Variants in BICC1 observed in about 807,000 individuals in gnomAD.
The protein encoded by BICC1 is protein bicaudal C homolog 1.
BICC1 carries 43 observed loss-of-function variants against 111.0 expected under a neutral mutation model. That is an observed-to-expected ratio of 0.39 (90% CI 0.30 to 0.50). The LOEUF is 0.50. BICC1 is among the 20% of genes least tolerant of loss of function. The pLI, the probability that BICC1 is intolerant of heterozygous loss-of-function variation, is 0.88. For synonymous variants in BICC1, 467 were observed against 434.4 expected (o/e 1.07, Z -0.93); for missense variants, 1,091 against 1,203.2 (o/e 0.91, Z 1.38).
intron 1 of BICC1, among the ~76,000 whole-genome samples, chr10:58,613,106 A>G (rs569990376): frequency 2.9e-4 from 44 of 152,366 alleles, no homozygotes; most frequent in African/African-American, 1.0e-3. Context: ...ATAAAAAATG[A>G]ATCGTTCAGC....
intron 1 of BICC1, among the ~76,000 whole-genome samples, chr10:58,515,502 C>G (rs935691380): frequency 8.5e-5 from 13 of 152,136 alleles, no homozygotes; most frequent in African/African-American, 3.1e-4. Flanking sequence ...ATTTGTGTAT[C>G]TAAATATATC....
intron 2 of BICC1, among the ~76,000 whole-genome samples, chr10:58,657,639 A>G (rs1187208295): frequency 1.3e-5 from 2 of 152,194 alleles, no homozygotes; most frequent in African/African-American, 4.8e-5. Flanking sequence ...TCAGGATTCA[A>G]AATGTACAAA....
At chr10:58,615,880 G>T (rs2132121391) in intron 1 of BICC1, among the ~76,000 whole-genome samples, 1 of 152,294 alleles carries the variant, frequency 6.6e-6, no homozygotes, top group East Asian at 1.9e-4. Flanking sequence ...TGAAGCAGCT[G>T]CAAGTGCAAA....
intron 1 of BICC1, among the ~76,000 whole-genome samples, chr10:58,528,449 G>C (rs926935676): frequency 6.6e-6 from 1 of 151,870 alleles, no homozygotes. Flanking sequence ...TATAATTTCA[G>C]TTTATTTCAT....
At chr10:58,781,180 G>GT (rs1323812889) in intron 3 of BICC1, among the ~76,000 whole-genome samples, 2 of 152,116 alleles carry the variant, frequency 1.3e-5, no homozygotes, top group Non-Finnish European at 2.9e-5. Flanking sequence ...ATATCTGACA[G>GT]TTTTTTTGTA....
chr10:58,556,737 A>G (rs1285263640), intron 1 of BICC1, among the ~76,000 whole-genome samples: 2 of 152,142 alleles, frequency 1.3e-5, no homozygotes, highest in South Asian at 4.1e-4. Context: ...CTAAGTATGC[A>G]GTTCAAAAGG....
intron 3 of BICC1, among the ~76,000 whole-genome samples, chr10:58,745,272 G>A (rs1156412870): frequency 6.6e-6 from 1 of 152,018 alleles, no homozygotes; most frequent in Non-Finnish European, 1.5e-5. Flanking sequence ...TGCTGGTTCC[G>A]CCACTTATTG....
intron 4 of BICC1, among the ~76,000 whole-genome samples, chr10:58,786,446 G>A (rs1012546770): frequency 6.6e-6 from 1 of 152,134 alleles, no homozygotes; most frequent in African/African-American, 2.4e-5. Context: ...AGTTGGGAAA[G>A]CAGTGATTCT....
In BICC1 at chr10:58,580,749, A is replaced by G. The variant is rs144815392; in HGVS notation, c.191-40106A>G. On this transcript the variant is annotated intron_variant, in intron 1 of 20. Transcript: ENST00000373886. Reference sequence around the variant, plus strand: ...TACCTGCTACCAGCTTTCCCTTCCCAATATCAAGCAATATTTTTATTAAAT... The same window carrying G: ...TACCTGCTACCAGCTTTCCCTTCCCGATATCAAGCAATATTTTTATTAAAT... Among the ~76,000 whole-genome samples the G allele has an allele frequency of 1.0e-3, 153 of 152,252 alleles. 1 individual carries two copies. Among genetic ancestry groups the G allele is most frequent in the African/African-American group, 3.6e-3 (150 of 41,544 alleles).
intron 1 of BICC1, among the ~76,000 whole-genome samples, chr10:58,578,761 A>T (rs989352481): frequency 1.3e-5 from 2 of 152,076 alleles, no homozygotes; most frequent in Non-Finnish European, 2.9e-5. Flanking sequence ...TCAGAGAGAA[A>T]CACCATAACC....
intron 3 of BICC1, chr10:58,715,818 A>G: frequency 7.9e-7 from 1 of 1,258,134 alleles, no homozygotes; most frequent in Non-Finnish European, 1.1e-6. Flanking sequence ...GAGCTCATCC[A>G]AAAAAAAGAC....
intron 1 of BICC1, among the ~76,000 whole-genome samples, chr10:58,608,429 C>T (rs368334358): frequency 7.2e-5 from 11 of 152,276 alleles, no homozygotes; most frequent in African/African-American, 2.4e-4. Flanking sequence ...AAAGAAAACG[C>T]GTTTTGGAAT....
At chr10:58,559,316 T>G (rs1196431360) in intron 1 of BICC1, among the ~76,000 whole-genome samples, 1 of 151,974 alleles carries the variant, frequency 6.6e-6, no homozygotes, top group African/African-American at 2.4e-5. Flanking sequence ...TTTTGCATGC[T>G]AAATTTATTT....
intron 3 of BICC1, among the ~76,000 whole-genome samples, chr10:58,732,353 ATGTGTGTGTG>A (rs371077730): frequency 3.7e-5 from 3 of 82,144 alleles, no homozygotes; most frequent in East Asian, 7.5e-4. Context: ...AGAGGAGTGT[ATGTGTGTGTG>A]TGTGTGTGTG....
chr10:58,630,348 GA>G (rs1214447833), intron 2 of BICC1, among the ~76,000 whole-genome samples: 4 of 152,146 alleles, frequency 2.6e-5, no homozygotes, highest in African/African-American at 4.8e-5. Flanking sequence ...GACAGAGGGG[GA>G]AAAAGATGTT....
intron 1 of BICC1, among the ~76,000 whole-genome samples, chr10:58,532,388 G>C (rs1842704800): frequency 6.6e-6 from 1 of 151,628 alleles, no homozygotes; most frequent in Non-Finnish European, 1.5e-5. Context: ...AATTTGAAAA[G>C]AGTCCCTATC....
chr10:58,529,399 A>G (rs1842624281), intron 1 of BICC1, among the ~76,000 whole-genome samples: 1 of 151,928 alleles, frequency 6.6e-6, no homozygotes, highest in Non-Finnish European at 1.5e-5. Flanking sequence ...TTGATTATTG[A>G]GAACTAACAC....
At chr10:58,575,151 A>C (rs1844072530) in intron 1 of BICC1, among the ~76,000 whole-genome samples, 1 of 151,884 alleles carries the variant, frequency 6.6e-6, no homozygotes, top group African/African-American at 2.4e-5. Flanking sequence ...CACGTGCATT[A>C]GGTATTTGTC....
At chr10:58,680,723 C>T (rs1839492452) in intron 2 of BICC1, among the ~76,000 whole-genome samples, 1 of 152,196 alleles carries the variant, frequency 6.6e-6, no homozygotes, top group South Asian at 2.1e-4. Context: ...CAAGACAATT[C>T]TAAGCAAAAA....
Sources: allele counts gnomAD v4.1 joint callset (sites outside exome capture counted in the v4.1 genomes callset), GRCh38; gene constraint gnomAD v4.1.1; transcripts MANE v1.5; gene names NCBI Gene and HGNC (gene_info 2026-07-23, HGNC 2026-07-21).